FHIT: variants seen among roughly 807,000 people sequenced by gnomAD.
The protein encoded by FHIT is bis(5'-adenosyl)-triphosphatase.
In FHIT, 19 loss-of-function variants were observed where a neutral mutation model predicts 17.9. The observed-to-expected ratio is 1.06, with a 90% CI of 0.74 to 1.56. The LOEUF (loss-of-function observed/expected upper bound fraction) is 1.56. Among genes scored for constraint, FHIT ranks in the 40% most tolerant of loss-of-function variants. The pLI is 0.00. For missense variants in FHIT, 248 were observed against 189.2 expected (o/e 1.31, Z -1.82); for synonymous variants, 81 against 69.7 (o/e 1.16, Z -0.81).
intron 4 of FHIT, among the ~76,000 whole-genome samples, chr3:60,640,659 C>CA (rs1477901994): frequency 6.6e-6 from 1 of 151,912 alleles, no homozygotes; most frequent in East Asian, 1.9e-4. Context: ...CAACCAAAGG[C>CA]AATGCATGGA....
intron 3 of FHIT, among the ~76,000 whole-genome samples, chr3:60,858,820 T>C (rs1217869053): frequency 7.9e-5 from 12 of 152,172 alleles, no homozygotes; most frequent in African/African-American, 2.7e-4. Context: ...GCAGTGCTCA[T>C]TACCTTGGCT....
Position 61,034,342 on chromosome 3 carries a change from G to GAACAT in FHIT, c.-111+7700_-111+7704dup, listed in dbSNP as rs200447775. The stretch of plus-strand genomic sequence containing the variant: ...TGAAAAGACAATCTACAGAGTGAGA[G>GAACAT]AACATATTTGTAAATCATATATTTG... On this transcript the variant is annotated intron_variant, in intron 3 of 9. Transcript: ENST00000492590. Among the ~76,000 whole-genome samples, 1,454 of 152,162 alleles carry GAACAT rather than the reference G, an allele frequency of 9.6e-3. 23 individuals carry two copies. The highest frequency in any genetic ancestry group is 0.032 in the African/African-American group (1,340 of 41,530).
At chr3:60,603,648 C>T (rs1457704423) in intron 4 of FHIT, among the ~76,000 whole-genome samples, 1 of 152,120 alleles carries the variant, frequency 6.6e-6, no homozygotes, top group Non-Finnish European at 1.5e-5. Flanking sequence ...TATAACACCA[C>T]TTTTCTGACA....
chr3:61,061,041 A>G (rs2034409747), intron 2 of FHIT, among the ~76,000 whole-genome samples: 1 of 152,198 alleles, frequency 6.6e-6, no homozygotes, highest in Non-Finnish European at 1.5e-5. Context: ...TTGTTTCACT[A>G]TTCTGCAGAA....
chr3:60,361,894 C>G (rs1389936698), intron 5 of FHIT, among the ~76,000 whole-genome samples: 1 of 152,052 alleles, frequency 6.6e-6, no homozygotes, highest in Non-Finnish European at 1.5e-5. Context: ...AAGTCAAATC[C>G]AGAAGTCTGT....
Position 59,837,056 on chromosome 3 carries a change from A to T in FHIT, c.349-84735T>A, listed in dbSNP as rs79249758. On this transcript the variant is annotated intron_variant, in intron 8 of 9. Coordinates refer to ENST00000492590, the MANE Select transcript of FHIT (RefSeq NM_002012.4). ...CAGTTAATTTTCTGTGAGAAAAAAA[A>T]GAGTTCAGTTTTTTGGATTTGCTTA... Among the ~76,000 whole-genome samples, 6 of 152,198 alleles carry T rather than the reference A, an allele frequency of 3.9e-5. No individual in the cohort carries two copies. The South Asian group carries it at 1.0e-3, about 26-fold the overall frequency.
chr3:60,478,188 G>A (rs992822329), intron 5 of FHIT, among the ~76,000 whole-genome samples: 3 of 152,146 alleles, frequency 2.0e-5, no homozygotes, highest in African/African-American at 7.2e-5. Flanking sequence ...GTAACCTTAT[G>A]CATCCCACTT....
chr3:60,536,264 C>T (rs1263038215), intron 5 of FHIT: 1 of 152,136 alleles, frequency 6.6e-6, no homozygotes, highest in Non-Finnish European at 1.5e-5. Context: ...AAAACAACTC[C>T]ACCAATGACA....
intron 3 of FHIT, among the ~76,000 whole-genome samples, chr3:60,990,650 T>C (rs1358612635): frequency 2.0e-5 from 3 of 152,200 alleles, no homozygotes; most frequent in Non-Finnish European, 4.4e-5. Context: ...TCCAGGATCA[T>C]ATGATTAGTT....
Position 59,749,531 on chromosome 3 carries a change from A to AACTGGTTGGCAATAGCTC in FHIT, c.*36_*53dup, listed in dbSNP as rs1339640567. 4.3e-6 allele frequency: 1 copy of AACTGGTTGGCAATAGCTC among 231,678 alleles called. No individual in the cohort carries two copies. The highest frequency in any genetic ancestry group is 8.5e-6 in the Non-Finnish European group (1 of 117,170). 14.4% of individuals were successfully genotyped at this position (231,678 alleles called of 1,614,324 possible). ...GGGGAGAGGCGGGGGGCGGTCTTCA[A>AACTGGTTGGCAATAGCTC]ACTGGTTGGCAATAGCTCTTTTGCT... On this transcript the variant is annotated 3_prime_UTR_variant, in exon 10 of 10. Coordinates refer to ENST00000492590, the MANE Select transcript of FHIT (RefSeq NM_002012.4).
chr3:59,982,881 C>T (rs1708715856), intron 7 of FHIT, among the ~76,000 whole-genome samples: 1 of 152,128 alleles, frequency 6.6e-6, no homozygotes, highest in Non-Finnish European at 1.5e-5. Flanking sequence ...CCAAAGTTTT[C>T]TATTTGTAAA....
intron 2 of FHIT, among the ~76,000 whole-genome samples, chr3:61,129,999 T>G (rs928446441): frequency 1.3e-5 from 2 of 152,174 alleles, no homozygotes; most frequent in Non-Finnish European, 2.9e-5. Context: ...TCTCTAGAAA[T>G]TCCAGAAAAT....
At chr3:59,930,827 C>T (rs1312560353) in intron 7 of FHIT, among the ~76,000 whole-genome samples, 1 of 151,998 alleles carries the variant, frequency 6.6e-6, no homozygotes, top group Non-Finnish European at 1.5e-5. Context: ...GGGACTGGAA[C>T]CTTGAGAACC....
chr3:59,821,090 G>T (rs1044887208), intron 8 of FHIT, among the ~76,000 whole-genome samples: 4 of 152,162 alleles, frequency 2.6e-5, no homozygotes. Context: ...GAGAGGTGGG[G>T]CTGGAGGTCA....
intron 5 of FHIT, among the ~76,000 whole-genome samples, chr3:60,469,128 A>G (rs1421540513): frequency 6.6e-6 from 1 of 152,066 alleles, no homozygotes; most frequent in Non-Finnish European, 1.5e-5. Context: ...ATTAAATGCC[A>G]TGAGATAGTC....
chr3:59,859,750 T>G (rs912933617), intron 8 of FHIT, among the ~76,000 whole-genome samples: 2 of 151,870 alleles, frequency 1.3e-5, no homozygotes, highest in African/African-American at 4.8e-5. Context: ...ACAAAACCAT[T>G]CCAGATTGGA....
chr3:59,968,980 G>C (rs1172398908), intron 7 of FHIT, among the ~76,000 whole-genome samples: 4 of 152,136 alleles, frequency 2.6e-5, no homozygotes, highest in African/African-American at 4.8e-5. Flanking sequence ...ATTTTGCTGA[G>C]CATCATCACA....
intron 5 of FHIT, among the ~76,000 whole-genome samples, chr3:60,401,613 C>T (rs573013166): frequency 2.0e-5 from 3 of 152,126 alleles, no homozygotes; most frequent in South Asian, 2.1e-4. Flanking sequence ...TGTTAGTCCC[C>T]GGTGCTTCCC....
intron 3 of FHIT, among the ~76,000 whole-genome samples, chr3:60,988,472 T>C (rs1202903036): frequency 6.6e-6 from 1 of 151,996 alleles, no homozygotes; most frequent in Non-Finnish European, 1.5e-5. Flanking sequence ...CAGAATAAAA[T>C]GAAGGATTTC....
Sources: allele counts gnomAD v4.1 joint callset (sites outside exome capture counted in the v4.1 genomes callset), GRCh38; gene constraint gnomAD v4.1.1; transcripts MANE v1.5; gene names NCBI Gene and HGNC (gene_info 2026-07-23, HGNC 2026-07-21).